Variants in CADPS observed in about 807,000 individuals in gnomAD.
CADPS encodes the protein calcium-dependent secretion activator 1.
CADPS carries 57 observed loss-of-function variants against 167.3 expected under a neutral mutation model. The ratio of observed to expected loss-of-function variants is 0.34; its 90% confidence interval spans 0.28 to 0.42. CADPS has a LOEUF of 0.42. Ranked by LOEUF, CADPS falls within the 20% of genes least tolerant of loss-of-function variation. CADPS has a pLI of 1.00. For synonymous variants in CADPS, 676 were observed against 635.3 expected (o/e 1.06, Z -0.96); for missense variants, 1,414 against 1,738.1 (o/e 0.81, Z 3.32).
At chr3:62,706,401 C>T (rs564944251) in intron 3 of CADPS, among the ~76,000 whole-genome samples, 28 of 152,174 alleles carry the variant, frequency 1.8e-4, no homozygotes, top group African/African-American at 6.7e-4. Context: ...CAGTAGGGCC[C>T]TTTACCACTC....
intron 5 of CADPS, among the ~76,000 whole-genome samples, chr3:62,649,543 CT>C (rs369874258): frequency 2.0e-3 from 76 of 37,782 alleles, no homozygotes; most frequent in African/African-American, 7.7e-3. Flanking sequence ...AATATGTGGT[CT>C]TTTTTTTTTT....
At chr3:62,664,503 G>A (rs190357056) in intron 3 of CADPS, among the ~76,000 whole-genome samples, 1 of 152,202 alleles carries the variant, frequency 6.6e-6, no homozygotes, top group East Asian at 1.9e-4. Flanking sequence ...CCTCAGTGCT[G>A]TTTTTAGGTT....
At position 62,660,284 on chromosome 3, in the gene CADPS, G is replaced by A. The variant is rs773316987; in HGVS notation, c.969+2030C>T. On this transcript the variant is annotated intron_variant, in intron 4 of 29. Transcript: ENST00000383710. ...ATACTTTTTAGTTGGGAATATACTC[G>A]TTGTCTAAAATGCAGATGAATGGAC... Among the ~76,000 whole-genome samples the A allele has an allele frequency of 5.9e-5, 9 of 152,104 alleles. No homozygotes were observed. The East Asian group carries it at 9.6e-4, about 16-fold the overall frequency.
intron 16 of CADPS, among the ~76,000 whole-genome samples, chr3:62,515,480 T>G (rs1337292936): frequency 6.6e-6 from 1 of 152,052 alleles, no homozygotes; most frequent in Admixed American, 6.6e-5. Context: ...AGGGCAGTGG[T>G]AACAAGCATT....
chr3:62,769,133 T>A (rs2087781271), intron 1 of CADPS, among the ~76,000 whole-genome samples: 1 of 152,188 alleles, frequency 6.6e-6, no homozygotes, highest in Non-Finnish European at 1.5e-5. Flanking sequence ...ATAGGGTTGT[T>A]GTGAGGATTA....
At chr3:62,472,074 C>T (rs971274622) in intron 24 of CADPS, among the ~76,000 whole-genome samples, 1 of 151,732 alleles carries the variant, frequency 6.6e-6, no homozygotes, top group African/African-American at 2.4e-5. Flanking sequence ...CTTGAAAACA[C>T]TGTGCTGAGT....
chr3:62,694,181 T>C (rs2079820060), intron 3 of CADPS, among the ~76,000 whole-genome samples: 1 of 151,944 alleles, frequency 6.6e-6, no homozygotes, highest in Admixed American at 6.6e-5. Context: ...TCTTAGAAAA[T>C]CTCTATGGCA....
intron 3 of CADPS, among the ~76,000 whole-genome samples, chr3:62,720,450 G>C (rs573871295): frequency 6.6e-6 from 1 of 151,794 alleles, no homozygotes; most frequent in East Asian, 1.9e-4. Flanking sequence ...TCCCACTTTA[G>C]TCTCCTGAGT....
rs542529146 is a variant in CADPS at position 62,574,478 on chromosome 3, C to G, written c.1578-3540G>C. 2.0e-5 allele frequency among the ~76,000 whole-genome samples: 3 copies of G among 152,098 alleles called. No homozygotes were observed. The East Asian group carries it at 5.8e-4, about 29-fold the overall frequency. ...CAAAGCTGAGCCAGGGAGCATCGAC[C>G]GGATGACTGATAAGTTTATCAACCT... is the stretch of plus-strand genomic sequence containing the variant. On this transcript the variant is annotated intron_variant, in intron 8 of 29. Coordinates refer to ENST00000383710, the MANE Select transcript of CADPS (RefSeq NM_003716.4).
At chr3:62,741,355 C>A (rs987276122) in intron 3 of CADPS, among the ~76,000 whole-genome samples, 3 of 152,118 alleles carry the variant, frequency 2.0e-5, no homozygotes, top group Non-Finnish European at 4.4e-5. Context: ...TCTTGATGAA[C>A]GTTGATGTAA....
chr3:62,690,819 A>G (rs1156347821), intron 3 of CADPS, among the ~76,000 whole-genome samples: 1 of 151,880 alleles, frequency 6.6e-6, no homozygotes, highest in African/African-American at 2.4e-5. Flanking sequence ...GTTTCCTTTT[A>G]CTCCTTGGTA....
rs1576418933 is a variant in CADPS at position 62,465,530 on chromosome 3, A to G, written c.3553-80T>C. ...ATAAAGCACATCATTTCCCCACCAC[A>G]TAAAGGCTGGGATCGAGCCCTCCGT... is the stretch of plus-strand genomic sequence containing the variant. On this transcript the variant is annotated intron_variant, in intron 25 of 29. Transcript: ENST00000383710. This position sits in a 1 kb window ranked among gnomAD's most constrained non-coding sequence, Gnocchi z 4.1. 1.0e-6 allele frequency: 1 copy of G among 966,388 alleles called. No homozygotes were observed. The highest frequency in any genetic ancestry group is 1.6e-6 in the Non-Finnish European group (1 of 635,436). The allele number at this position is 966,388 out of a possible 1,614,324, so 59.9% of individuals were successfully genotyped here.
At chr3:62,682,963 A>C (rs2077388357) in intron 3 of CADPS, among the ~76,000 whole-genome samples, 1 of 152,098 alleles carries the variant, frequency 6.6e-6, no homozygotes, top group Non-Finnish European at 1.5e-5. Flanking sequence ...GATAAGTAGA[A>C]GTTAACCAGG....
intron 7 of CADPS, among the ~76,000 whole-genome samples, chr3:62,589,694 T>C (rs905563398): frequency 2.0e-4 from 30 of 152,330 alleles, no homozygotes; most frequent in African/African-American, 7.0e-4. Context: ...GCCTGGCCCA[T>C]GCATGGGTCC....
Position 62,478,553 on chromosome 3 carries a change from G to A in CADPS, c.3174-137C>T, listed in dbSNP as rs371109838. 24 of 765,740 alleles carry A rather than the reference G, an allele frequency of 3.1e-5. No homozygotes were observed. Among genetic ancestry groups the A allele is most frequent in the East Asian group, 5.4e-5 (2 of 37,192 alleles). 47.4% of individuals were successfully genotyped at this position (765,740 alleles called of 1,614,324 possible). A position where few individuals can be genotyped will look rare whatever the true frequency, so the allele number is the denominator to read the frequency against. ...AACAACGTGTGTTGGCGGTGGAGGC[G>A]GGGGCGAGTCTCCACCGGCAGATTT... On this transcript the variant is annotated intron_variant, in intron 22 of 29. Coordinates refer to ENST00000383710, the MANE Select transcript of CADPS (RefSeq NM_003716.4). This position sits in a 1 kb window ranked among gnomAD's most constrained non-coding sequence, Gnocchi z 5.7.
chr3:62,873,991 G>A (rs1344902206), intron 1 of CADPS, among the ~76,000 whole-genome samples: 1 of 152,222 alleles, frequency 6.6e-6, no homozygotes, highest in African/African-American at 2.4e-5. Context: ...CCCGGGCAGG[G>A]AGAGGAGGGT....
At chr3:62,681,235 C>T (rs2077115701) in intron 3 of CADPS, among the ~76,000 whole-genome samples, 1 of 152,046 alleles carries the variant, frequency 6.6e-6, no homozygotes, top group African/African-American at 2.4e-5. Flanking sequence ...GCAGGTTTTT[C>T]ACCACAGCCT....
intron 3 of CADPS, among the ~76,000 whole-genome samples, chr3:62,718,098 A>G (rs1462675064): frequency 6.0e-5 from 9 of 151,236 alleles, no homozygotes; most frequent in Admixed American, 5.9e-4. Context: ...CATTCTATCT[A>G]TTGTCTTCTT....
chr3:62,746,385 G>A (rs1050674133), intron 3 of CADPS, among the ~76,000 whole-genome samples: 3 of 152,186 alleles, frequency 2.0e-5, no homozygotes, highest in Admixed American at 1.3e-4. Context: ...AGGCTGGAGT[G>A]CAGTGGTGGG....
Sources: allele counts gnomAD v4.1 joint callset (sites outside exome capture counted in the v4.1 genomes callset), GRCh38; gene constraint gnomAD v4.1.1; non-coding constraint Gnocchi (gnomAD v3.1); transcripts MANE v1.5; gene names NCBI Gene and HGNC (gene_info 2026-07-23, HGNC 2026-07-21).